The following SNTG2 variants were observed in gnomAD, a reference collection of about 807,000 sequenced individuals.
SNTG2 encodes the protein syntrophin gamma 2.
Under a neutral mutation model 70.9 loss-of-function variants are expected in SNTG2, and 74 were observed. The ratio of observed to expected loss-of-function variants is 1.04; its 90% CI spans 0.86 to 1.27. The LOEUF (loss-of-function observed/expected upper bound fraction) is 1.27, where lower values mean the gene tolerates loss of function less well. Ranked by LOEUF, SNTG2 falls within the 50% of genes most tolerant of loss-of-function variation. The probability of loss-of-function intolerance (pLI) is 0.00; values close to 1 mark genes in which losing one functional copy is unlikely to be tolerated. For synonymous variants in SNTG2, 278 were observed against 273.8 expected (o/e 1.02, Z -0.15); for missense variants, 717 against 690.7 (o/e 1.04, Z -0.43).
At chr2:1,085,161 C>T (rs1664602081) in intron 2 of SNTG2, among the ~76,000 whole-genome samples, 1 of 151,984 alleles carries the variant, frequency 6.6e-6, no homozygotes, top group Non-Finnish European at 1.5e-5. Flanking sequence ...TCCACTTGTT[C>T]TAAATACCTA....
At chr2:1,271,625 G>A (rs994822404) in intron 14 of SNTG2, among the ~76,000 whole-genome samples, 1 of 152,092 alleles carries the variant, frequency 6.6e-6, no homozygotes, top group African/African-American at 2.4e-5. Flanking sequence ...ACCTTGCTGA[G>A]TTTTGAGGTC....
At chr2:1,213,904 C>T (rs1248335397) in intron 9 of SNTG2, among the ~76,000 whole-genome samples, 1 of 144,278 alleles carries the variant, frequency 6.9e-6, no homozygotes, top group Admixed American at 6.6e-5. Flanking sequence ...ACATTTAACT[C>T]CTTAATCCAT....
At chr2:1,135,797 T>C (rs1398003610) in intron 4 of SNTG2, among the ~76,000 whole-genome samples, 3 of 152,188 alleles carry the variant, frequency 2.0e-5, no homozygotes, top group African/African-American at 4.8e-5. Context: ...TTTCCATAAG[T>C]AGCTAAAGTT....
At chr2:1,311,017 C>T (rs1428060575) in intron 15 of SNTG2, among the ~76,000 whole-genome samples, 2 of 152,186 alleles carry the variant, frequency 1.3e-5, no homozygotes, top group African/African-American at 4.8e-5. Context: ...GCGTATCCCT[C>T]ACCCAAAATG....
chr2:1,165,533 T>A lies in SNTG2; in HGVS notation c.412-15T>A. On this transcript the variant is annotated splice_polypyrimidine_tract_variant and intron_variant, in intron 6 of 16. Transcript: ENST00000308624. ...TTTGTGGTGGTAAAAGTAGCTATTT[T>A]TGTCATATTGACAGGTGCATCTGCT... 6.2e-7 allele frequency: 1 copy of A among 1,609,518 alleles called. No homozygotes were observed. The highest frequency in any genetic ancestry group is 8.5e-7 in the Non-Finnish European group (1 of 1,177,524).
At chr2:1,003,179 G>C (rs1451859049) in intron 1 of SNTG2, among the ~76,000 whole-genome samples, 4 of 152,062 alleles carry the variant, frequency 2.6e-5, no homozygotes, top group African/African-American at 9.7e-5. Context: ...CTAAAAGCCT[G>C]CATGCACCAC....
At chr2:969,317 C>T (rs1483066793) in intron 1 of SNTG2, among the ~76,000 whole-genome samples, 3 of 151,942 alleles carry the variant, frequency 2.0e-5, no homozygotes, top group Non-Finnish European at 4.4e-5. Flanking sequence ...AGCTTTGTTC[C>T]TTTTGCTGAG....
At chr2:1,005,832 TA>T (rs1659549925) in intron 1 of SNTG2, among the ~76,000 whole-genome samples, 2 of 13,470 alleles carry the variant, frequency 1.5e-4, no homozygotes, top group African/African-American at 2.7e-4. Flanking sequence ...TATATATATA[TA>T]TATATATATA....
At position 1,032,313 on chromosome 2, in the gene SNTG2, T is replaced by C. The variant is rs2148037118; in HGVS notation, c.73-51205T>C. 1.3e-5 allele frequency among the ~76,000 whole-genome samples: 2 copies of C among 152,262 alleles called. 1 individual carries two copies. The highest frequency in any genetic ancestry group is 4.1e-4 in the South Asian group (2 of 4,826). On this transcript the variant is annotated intron_variant, in intron 1 of 16. Transcript: ENST00000308624. ...TACAGTGAAACACACAGTGAATAAA[T>C]GTAACCGAGAAATGACAGATTACAA...
intron 16 of SNTG2, among the ~76,000 whole-genome samples, chr2:1,333,550 G>A (rs1659642363): frequency 1.3e-5 from 2 of 152,164 alleles, no homozygotes; most frequent in South Asian, 4.1e-4. Context: ...ATAATAGAAG[G>A]CTATAGTCAC....
chr2:1,313,046 G>A lies in SNTG2; in HGVS notation c.1378-3219G>A, dbSNP rs1031224014. ...TGGTACTGCCTGTGGCATCTCCACC[G>A]TGAAGGATTCAAGGATTATCTTCCA... On this transcript the variant is annotated intron_variant, in intron 15 of 16. Coordinates refer to ENST00000308624, the MANE Select transcript of SNTG2 (RefSeq NM_018968.4). Among the ~76,000 whole-genome samples, 6 of 152,250 alleles carry A rather than the reference G, an allele frequency of 3.9e-5. No individual in the cohort carries two copies. The South Asian group carries it at 6.2e-4, about 16-fold the overall frequency.
intron 14 of SNTG2, among the ~76,000 whole-genome samples, chr2:1,291,265 T>G (rs1679978738): frequency 6.6e-6 from 1 of 152,228 alleles, no homozygotes; most frequent in Non-Finnish European, 1.5e-5. Context: ...AACCCCTTAA[T>G]AGATATATGA....
At chr2:1,261,234 G>A (rs762799548) in intron 13 of SNTG2, among the ~76,000 whole-genome samples, 1 of 152,102 alleles carries the variant, frequency 6.6e-6, no homozygotes, top group Non-Finnish European at 1.5e-5. Flanking sequence ...TTTAATTGCT[G>A]ATGTTTATCA....
intron 1 of SNTG2, among the ~76,000 whole-genome samples, chr2:1,071,356 A>C (rs966417287): frequency 1.3e-5 from 2 of 150,676 alleles, no homozygotes; most frequent in Non-Finnish European, 3.0e-5. Context: ...TTGTAGGGAC[A>C]TGGATGAAAT....
At chr2:1,227,680 G>C (rs529674340) in intron 9 of SNTG2, among the ~76,000 whole-genome samples, 14 of 152,274 alleles carry the variant, frequency 9.2e-5, no homozygotes, top group Non-Finnish European at 1.8e-4. Context: ...GTTAGGGCTT[G>C]AAGGTAGCAC....
At chr2:1,104,156 G>T (rs1665970333) in intron 4 of SNTG2, among the ~76,000 whole-genome samples, 2 of 152,218 alleles carry the variant, frequency 1.3e-5, no homozygotes, top group African/African-American at 4.8e-5. Context: ...TGACCCCCAA[G>T]ACCCTTCTCT....
chr2:1,058,386 A>G (rs559736238), intron 1 of SNTG2, among the ~76,000 whole-genome samples: 1 of 152,316 alleles, frequency 6.6e-6, no homozygotes, highest in Admixed American at 6.5e-5. Flanking sequence ...AATAAAGGAC[A>G]CTGGAAATTA....
intron 4 of SNTG2, among the ~76,000 whole-genome samples, chr2:1,122,272 G>A (rs28782286): frequency 0.47 from 71,180 of 151,976 alleles, 17,644 homozygotes; most frequent in East Asian, 0.66. Context: ...CAGCATCACC[G>A]TGACACCTAA....
intron 9 of SNTG2, chr2:1,219,920 C>G (rs557634166): frequency 2.0e-5 from 3 of 152,264 alleles, no homozygotes; most frequent in Admixed American, 6.5e-5. Flanking sequence ...CAGATGGGCT[C>G]TATAGTAGTC....
Sources: gnomAD v4.1 joint callset for allele counts (sites outside exome capture counted in the v4.1 genomes callset) on GRCh38, gnomAD v4.1.1 for gene constraint, MANE v1.5 for transcripts, NCBI Gene and HGNC (gene_info 2026-07-23, HGNC 2026-07-21) for gene names.